Variants in IL1R1 observed in about 807,000 individuals in gnomAD.
The protein encoded by IL1R1 is interleukin-1 receptor type 1.
In IL1R1, 22 loss-of-function variants were observed where a neutral mutation model predicts 50.2. The observed-to-expected ratio is 0.44, with a 90% confidence interval of 0.31 to 0.63. The LOEUF is 0.63. Among genes scored for constraint, IL1R1 ranks in the 20% least tolerant of loss-of-function variants. IL1R1 has a pLI of 0.07. For synonymous variants in IL1R1, 251 were observed against 236.7 expected (o/e 1.06, Z -0.55); for missense variants, 509 against 676.2 (o/e 0.75, Z 2.74).
intron 1 of IL1R1, among the ~76,000 whole-genome samples, chr2:102,076,410 C>G (rs1577786569): frequency 1.3e-5 from 2 of 152,156 alleles, no homozygotes; most frequent in East Asian, 3.8e-4. Context: ...ATCTCCTGAC[C>G]TCGTGATCCA....
chr2:102,130,087 A>G (rs1681947360), intron 1 of IL1R1, among the ~76,000 whole-genome samples: 1 of 152,334 alleles, frequency 6.6e-6, no homozygotes, highest in East Asian at 1.9e-4. Flanking sequence ...ATTGCTCAAC[A>G]GAATACAGAT....
intron 2 of IL1R1, among the ~76,000 whole-genome samples, chr2:102,157,274 C>T (rs905671858): frequency 6.6e-6 from 1 of 151,956 alleles, no homozygotes; most frequent in African/African-American, 2.4e-5. Flanking sequence ...GACCTTTGAG[C>T]TGGCCAAAAG....
At chr2:102,141,364 C>G (rs919806814), upstream of IL1R1, among the ~76,000 whole-genome samples, 5 of 152,190 alleles carry the variant, frequency 3.3e-5, no homozygotes, top group African/African-American at 9.7e-5. Flanking sequence ...TGAGTGGAGT[C>G]AAGGCTGTGA....
chr2:102,104,568 C>T (rs1018811260), upstream of IL1R1: 32 of 152,132 alleles, frequency 2.1e-4, no homozygotes, highest in African/African-American at 6.3e-4. Context: ...GTGTCACGGC[C>T]GAGGGATTAA....
At chr2:102,171,973 A>T in intron 8 of IL1R1, 55 bp downstream of exon 8, 1 of 896,692 alleles carries the variant, frequency 1.1e-6, no homozygotes, top group Non-Finnish European at 1.7e-6. Flanking sequence ...GTGATATTTT[A>T]TATAACCTTG....
intron 1 of IL1R1, among the ~76,000 whole-genome samples, chr2:102,124,618 T>G (rs994714994): frequency 6.6e-6 from 1 of 151,946 alleles, no homozygotes; most frequent in African/African-American, 2.4e-5. Context: ...AACTGCCACT[T>G]TTAAAACCAT....
intron 1 of IL1R1, among the ~76,000 whole-genome samples, chr2:102,132,221 T>C (rs1577919332): frequency 1.3e-5 from 2 of 150,116 alleles, no homozygotes; most frequent in East Asian, 1.9e-4. Context: ...GGATACTAGA[T>C]GGAGATCTGG....
chr2:102,076,180 C>CT lies in IL1R1; in HGVS notation c.-84+5662dup, dbSNP rs66517619. 3.1e-4 allele frequency among the ~76,000 whole-genome samples: 36 copies of CT among 115,092 alleles called. No individual in the cohort carries two copies. In the South Asian group the frequency reaches 5.2e-3, roughly 17 times the overall value. The allele number at this position is 115,092 out of a possible 152,430, so 75.5% of individuals were successfully genotyped here. A position where few individuals can be genotyped will look rare whatever the true frequency, so the allele number is the denominator to read the frequency against. On this transcript the variant is annotated intron_variant, in intron 1 of 11. Transcript: ENST00000409929. ...GTTACCATTTCTATTGCTTCGTATTCTTTTTTTTTTTTTTTGAGATGGAAT... is the reference window on the plus strand; with the variant it reads ...GTTACCATTTCTATTGCTTCGTATTCTTTTTTTTTTTTTTTTGAGATGGAAT...
rs185043206 is a variant in IL1R1, at chr2:102,075,853, T to A, written c.-84+5320T>A. On this transcript the variant is annotated intron_variant, in intron 1 of 11. Transcript: ENST00000409929. ...AGCAAATGGGTGGCACAATTGGCTT[T>A]AAGATGATCAATCTATTGGCAGTGT... Among the ~76,000 whole-genome samples, 126 of 152,332 alleles carry A rather than the reference T, an allele frequency of 8.3e-4. 1 individual carries two copies. The highest frequency in any genetic ancestry group is 2.4e-3 in the Admixed American group (36 of 15,304).
intron 1 of IL1R1, among the ~76,000 whole-genome samples, chr2:102,147,600 C>T (rs952610603): frequency 2.0e-5 from 3 of 152,112 alleles, no homozygotes; most frequent in African/African-American, 7.2e-5. Context: ...TTCTGTTGTC[C>T]AGGAGCCCTA....
chr2:102,127,052 G>A (rs1195424378), intron 1 of IL1R1, among the ~76,000 whole-genome samples: 1 of 152,320 alleles, frequency 6.6e-6, no homozygotes, highest in African/African-American at 2.4e-5. Flanking sequence ...GGCCATCCTG[G>A]AGATGGTTGA....
At chr2:102,118,550 G>T (rs1681220528) in intron 1 of IL1R1, among the ~76,000 whole-genome samples, 1 of 152,136 alleles carries the variant, frequency 6.6e-6, no homozygotes, top group South Asian at 2.1e-4. Context: ...TCTGAAATGG[G>T]GGGCAGTCTT....
chr2:102,138,945 C>A (rs1222889212), upstream of IL1R1, among the ~76,000 whole-genome samples: 1 of 152,188 alleles, frequency 6.6e-6, no homozygotes, highest in East Asian at 1.9e-4. Context: ...AGAAAAAGAT[C>A]TCACTAATTT....
At chr2:102,113,281 T>C (rs571573222) in intron 1 of IL1R1, among the ~76,000 whole-genome samples, 2 of 152,368 alleles carry the variant, frequency 1.3e-5, no homozygotes, top group South Asian at 4.1e-4. Flanking sequence ...CACATTTGTG[T>C]CTTTTGTGGA....
chr2:102,141,332 G>A (rs1682633899), upstream of IL1R1, among the ~76,000 whole-genome samples: 6 of 152,230 alleles, frequency 3.9e-5, no homozygotes, highest in Admixed American at 3.3e-4. Flanking sequence ...GAACACAGGA[G>A]TGTCATGTCC....
chr2:102,084,440 G>T (rs1466450418), intron 1 of IL1R1, among the ~76,000 whole-genome samples: 1 of 152,130 alleles, frequency 6.6e-6, no homozygotes, highest in East Asian at 1.9e-4. Flanking sequence ...AATCCTGGTT[G>T]AGAAATTATC....
At chr2:102,106,799 T>C (rs1291442043) in intron 1 of IL1R1, among the ~76,000 whole-genome samples, 1 of 152,216 alleles carries the variant, frequency 6.6e-6, no homozygotes, top group East Asian at 1.9e-4. Context: ...GAGAATGAGT[T>C]TTCTTTTACA....
At chr2:102,095,777 G>A (rs1226367846) in intron 1 of IL1R1, among the ~76,000 whole-genome samples, 6 of 152,196 alleles carry the variant, frequency 3.9e-5, no homozygotes, top group Non-Finnish European at 7.3e-5. Flanking sequence ...GGCCGAGGCG[G>A]GCGGATCATG....
At chr2:102,126,117 C>G (rs182086634) in intron 1 of IL1R1, among the ~76,000 whole-genome samples, 1 of 152,142 alleles carries the variant, frequency 6.6e-6, no homozygotes, top group African/African-American at 2.4e-5. Flanking sequence ...AATTCATTGA[C>G]AACATAACCT....
Sources: gnomAD v4.1 joint callset for allele counts (sites outside exome capture counted in the v4.1 genomes callset) on GRCh38, gnomAD v4.1.1 for gene constraint, MANE v1.5 for transcripts, NCBI Gene and HGNC (gene_info 2026-07-23, HGNC 2026-07-21) for gene names.